HSPH1: variants seen among roughly 807,000 people sequenced by gnomAD.
HSPH1 encodes the protein heat shock protein 105 kDa.
In HSPH1, 40 loss-of-function variants were observed where a neutral mutation model predicts 100.0. The ratio of observed to expected loss-of-function variants is 0.40; its 90% CI spans 0.31 to 0.52. The LOEUF is 0.52. Among genes scored for constraint, HSPH1 ranks in the 20% least tolerant of loss-of-function variants. The probability of loss-of-function intolerance (pLI) is 0.54; values close to 1 mark genes in which losing one functional copy is unlikely to be tolerated. For synonymous variants in HSPH1, 403 were observed against 344.0 expected, an observed-to-expected ratio of 1.17 and a Z score of -1.90; for missense variants, 876 against 1,015.1, an observed-to-expected ratio of 0.86 and a Z score of 1.86.
rs758974482 is a variant in HSPH1, at chr13:31,137,143, C to CT, written c.*174dup. The CT allele has an allele frequency of 6.7e-5, 50 of 744,524 alleles. No individual in the cohort carries two copies. The highest frequency in any genetic ancestry group is 1.2e-4 in the Non-Finnish European group (47 of 402,510). 46.1% of individuals were successfully genotyped at this position (744,524 alleles called of 1,614,324 possible). A position where few individuals can be genotyped will look rare whatever the true frequency, so the allele number is the denominator to read the frequency against. On this transcript the variant is annotated 3_prime_UTR_variant, in exon 18 of 18. Transcript: ENST00000320027. Reference sequence around the variant, plus strand: ...CTGAAAGTTACCAAGGCAATTTTCCCTTTTAGGATCATAAAGACTACAGAC... The same window carrying CT: ...CTGAAAGTTACCAAGGCAATTTTCCCTTTTTAGGATCATAAAGACTACAGAC...
At position 31,150,009 on chromosome 13, in the gene HSPH1, T is replaced by A. The variant is rs1354058659; in HGVS notation, c.1082A>T (p.Asp361Val). The change falls in exon 8 of 18, where the codon GAT becomes GTT. Residue 361 changes from aspartate (D) to valine (V), a missense_variant. Physicochemically the swap from Asp to Val is radical, Grantham distance 152. Transcript: ENST00000320027. ...KERIAKFFGK[D>V]ISTTLNADEA... Reference sequence around the variant, plus strand: ...ATCTGCATTGAGTGTTGTGCTAATATCTTTTCCAAAGAATTTGGCAATTCT... The same window carrying A: ...ATCTGCATTGAGTGTTGTGCTAATAACTTTTCCAAAGAATTTGGCAATTCT... 1 of 1,613,726 alleles carries A rather than the reference T, an allele frequency of 6.2e-7. No homozygotes were observed. Among genetic ancestry groups the A allele is most frequent in the African/African-American group, 1.3e-5 (1 of 74,890 alleles).
At chr13:31,148,571 TCAAAA>T in intron 8 of HSPH1, 91 bp from the exon 9 acceptor site, 2 of 94,182 alleles carry the variant, frequency 2.1e-5, no homozygotes, top group Non-Finnish European at 3.9e-5. Flanking sequence ...GACAGGGTTT[TCAAAA>T]AAAAAAAAAA....
At position 31,140,299 on chromosome 13, in the gene HSPH1, A is replaced by G. The variant is rs1956043236; in HGVS notation, c.1865T>C (p.Ile622Thr). The change falls in exon 14 of 18, where the codon ATA becomes ACA. Residue 622 changes from isoleucine to threonine, a missense_variant. Transcript: ENST00000320027. ...TTCTTTTTCCAATTTATCTTGCATT[A>G]TCATCTTACCCTGTCAGGAAACAGG... ...NMYIETEGKM[I>T]MQDKLEKERN... The G allele has an allele frequency of 6.2e-7, 1 of 1,609,704 alleles. No homozygotes were observed. The highest frequency in any genetic ancestry group is 8.5e-7 in the Non-Finnish European group (1 of 1,178,150).
chr13:31,152,479 G>A (rs191329517), intron 5 of HSPH1: 95 of 223,308 alleles, frequency 4.3e-4, no homozygotes, highest in Non-Finnish European at 6.6e-4. Flanking sequence ...CAGTTCAGTA[G>A]ATAAAAAAAA....
intron 10 of HSPH1, among the ~76,000 whole-genome samples, chr13:31,147,379 G>A (rs1956301644): frequency 6.6e-6 from 1 of 152,008 alleles, no homozygotes; most frequent in African/African-American, 2.4e-5. Flanking sequence ...GTGAGGCAAG[G>A]GTACGTCCTG....
chr13:31,159,458 G>A (rs553534874), intron 1 of HSPH1, among the ~76,000 whole-genome samples: 167 of 152,332 alleles, frequency 1.1e-3, no homozygotes, highest in African/African-American at 3.8e-3. Flanking sequence ...TAAATGTCGA[G>A]GGAAAGGAGT....
rs1227225688 is a variant in HSPH1 at position 31,150,151 on chromosome 13, G to C, written c.940C>G (p.Leu314Val). ...SQFEELCAEL[L>V]QKIEVPLYSL... The stretch of plus-strand genomic sequence containing the variant: ...TAAAGGGGTACTTCTATCTTTTGCA[G>C]AAGTTCAGCACAGAGTTCTTCAAAT... The change falls in exon 8 of 18, where the codon CTG becomes GTG. Residue 314 changes from leucine to valine, a missense_variant. By Grantham distance (32) the Leu-to-Val change is conservative. Transcript: ENST00000320027. 1 of 1,607,000 alleles carries C rather than the reference G, an allele frequency of 6.2e-7. No individual in the cohort carries two copies. The highest frequency in any genetic ancestry group is 1.7e-5 in the Admixed American group (1 of 59,532).
At chr13:31,141,797 T>TAC (rs10573885) in intron 12 of HSPH1, among the ~76,000 whole-genome samples, 7,788 of 124,112 alleles carry the variant, frequency 0.063, 280 homozygotes, top group African/African-American at 0.11. Flanking sequence ...TCCATACACA[T>TAC]ACATACACAC....
intron 10 of HSPH1, among the ~76,000 whole-genome samples, chr13:31,146,144 A>T (rs1400269878): frequency 6.6e-6 from 1 of 152,110 alleles, no homozygotes; most frequent in Non-Finnish European, 1.5e-5. Context: ...TTAATAAATC[A>T]ATAAAAATCT....
chr13:31,158,857 G>T lies in HSPH1; in HGVS notation c.114C>A (p.Val38=). ...NEFSDRCTPS[V]ISFGSKNRTI... ...TTCTATTTTTTGATCCAAATGATAT[G>T]ACTGACCTAGAAAAAAATATATTCC... is the stretch of plus-strand genomic sequence containing the variant. Residue 38 remains valine, a synonymous_variant, in exon 2 of 18, where the codon GTC becomes GTA. Coordinates refer to ENST00000320027, the MANE Select transcript of HSPH1 (RefSeq NM_006644.4). The T allele has an allele frequency of 6.3e-7, 1 of 1,576,928 alleles. No homozygotes were observed. Among genetic ancestry groups the T allele is most frequent in the South Asian group, 1.1e-5 (1 of 90,224 alleles).
chr13:31,144,044 A>G (rs1956188906), intron 11 of HSPH1, 121 bp from the exon 12 acceptor site: 1 of 806,472 alleles, frequency 1.2e-6, no homozygotes, highest in Non-Finnish European at 1.8e-6. Context: ...GTGGGGAGAA[A>G]AGGTACTGGA....
rs539395610 is a variant in HSPH1, at chr13:31,141,178, C to T, written c.1798G>A (p.Ala600Thr). Residue 600 changes from alanine (A) to threonine (T), a missense_variant, in exon 13 of 18, where the codon GCC becomes ACC. Ala to Thr is a moderately conservative substitution (Grantham distance 58). Coordinates refer to ENST00000320027, the MANE Select transcript of HSPH1 (RefSeq NM_006644.4). ...TTCCCTAACTGCCAGACCAAGTTGG[C>T]TTCAATAGGCAGCTCAACATTCACC... ...KVVNVELPIE[A>T]NLVWQLGKDL... 1.2e-6 allele frequency: 2 copies of T among 1,609,482 alleles called. No homozygotes were observed. Among genetic ancestry groups the T allele is most frequent in the African/African-American group, 2.7e-5 (2 of 74,818 alleles).
Position 31,161,767 on chromosome 13 carries a change from C to A in HSPH1, c.-185G>T. On this transcript the variant is annotated 5_prime_UTR_variant, in exon 1 of 18. Coordinates refer to ENST00000320027, the MANE Select transcript of HSPH1 (RefSeq NM_006644.4). Reference sequence around the variant, plus strand: ...GCCTGTCAGGAGCCTCCTACTCCCCCGGGGACAGCGGCGGCTGGCTGATAA... The same window carrying A: ...GCCTGTCAGGAGCCTCCTACTCCCCAGGGGACAGCGGCGGCTGGCTGATAA... The A allele has an allele frequency of 6.6e-7, 1 of 1,509,010 alleles. No homozygotes were observed. The highest frequency in any genetic ancestry group is 8.8e-7 in the Non-Finnish European group (1 of 1,130,702). The allele number at this position is 1,509,010 out of a possible 1,614,324, so 93.5% of individuals were successfully genotyped here. A position where few individuals can be genotyped will look rare whatever the true frequency, so the allele number is the denominator to read the frequency against.
intron 17 of HSPH1, 144 bp from the exon 18 acceptor site, chr13:31,137,668 C>G (rs139601826): frequency 1.5e-6 from 1 of 647,974 alleles, no homozygotes; most frequent in East Asian, 2.7e-5. Context: ...ACACTTGCCC[C>G]AAACCACAGT....
At chr13:31,154,347 T>C (rs1956599891) in intron 4 of HSPH1, 1 of 446,478 alleles carries the variant, frequency 2.2e-6, no homozygotes, top group Non-Finnish European at 4.1e-6. Context: ...AGCCTGATAG[T>C]GCAGCAACTA....
intron 6 of HSPH1, 127 bp downstream of exon 6, chr13:31,151,482 G>A: frequency 1.1e-6 from 1 of 881,552 alleles, no homozygotes; most frequent in Admixed American, 3.3e-5. Context: ...ACCGTTTCCT[G>A]TTAACATCTT....
At position 31,137,459 on chromosome 13, in the gene HSPH1, C is replaced by A. The variant is rs752537482; in HGVS notation, c.2436G>T (p.Leu812=). The A allele has an allele frequency of 3.1e-6, 5 of 1,613,490 alleles. No homozygotes were observed. The South Asian group carries it at 5.5e-5, about 18-fold the overall frequency. Residue 812 remains leucine (L), a synonymous_variant, in exon 18 of 18, where the codon CTG becomes CTT. Coordinates refer to ENST00000320027, the MANE Select transcript of HSPH1 (RefSeq NM_006644.4). ...TATTTGGGCCATTTGGAGTTCTTTC[C>A]AGTTTGGGTGATTCAATTTTTGGTT... is the stretch of plus-strand genomic sequence containing the variant. The part of the protein sequence containing the change: ...QPKPKIESPK[L]ERTPNGPNID...
chr13:31,141,293 T>C (rs372824700), intron 12 of HSPH1, 34 bp from the exon 13 acceptor site: 38 of 1,552,358 alleles, frequency 2.4e-5, no homozygotes, highest in Admixed American at 2.3e-4. Context: ...GAAAAAATTT[T>C]AAACAACCCA....
At chr13:31,160,040 T>C (rs532560548) in intron 1 of HSPH1, among the ~76,000 whole-genome samples, 3 of 152,204 alleles carry the variant, frequency 2.0e-5, no homozygotes, top group Admixed American at 6.5e-5. Flanking sequence ...AACAAACATA[T>C]TAAGGGGAAC....
Sources: gnomAD v4.1 joint callset for allele counts (sites outside exome capture counted in the v4.1 genomes callset) on GRCh38, gnomAD v4.1.1 for gene constraint, MANE v1.5 for transcripts, NCBI Gene and HGNC (gene_info 2026-07-23, HGNC 2026-07-21) for gene names.